Variants in GMDS observed in about 807,000 individuals in gnomAD.
GMDS encodes the protein GDP-mannose 4,6 dehydratase.
GMDS carries 20 observed loss-of-function variants against 49.9 expected under a neutral mutation model. That is an observed-to-expected ratio of 0.40 (90% CI 0.28 to 0.58). The LOEUF is 0.58. Among genes scored for constraint, GMDS ranks in the 20% least tolerant of loss-of-function variants. The pLI, the probability that GMDS is intolerant of heterozygous loss-of-function variation, is 0.42. For synonymous variants in GMDS, 177 were observed against 178.6 expected (o/e 0.99, Z 0.07); for missense variants, 362 against 481.4 (o/e 0.75, Z 2.32).
intron 9 of GMDS, among the ~76,000 whole-genome samples, chr6:1,703,986 G>A (rs1051312436): frequency 6.6e-6 from 1 of 152,144 alleles, no homozygotes; most frequent in Admixed American, 6.5e-5. Flanking sequence ...GTTTCTGAAA[G>A]TCTGTGCACC....
At chr6:1,788,170 A>G (rs930263025) in intron 7 of GMDS, among the ~76,000 whole-genome samples, 3 of 152,212 alleles carry the variant, frequency 2.0e-5, no homozygotes, top group African/African-American at 7.2e-5. Flanking sequence ...AGGGAGACAG[A>G]GGCAAAGACT....
At chr6:2,088,558 T>G (rs1442885983) in intron 4 of GMDS, among the ~76,000 whole-genome samples, 1 of 152,174 alleles carries the variant, frequency 6.6e-6, no homozygotes, top group Non-Finnish European at 1.5e-5. Context: ...AGTTTCCTGA[T>G]CTCTCTTTTT....
intron 7 of GMDS, among the ~76,000 whole-genome samples, chr6:1,921,158 C>T (rs1761697022): frequency 6.6e-6 from 1 of 152,192 alleles, no homozygotes; most frequent in Non-Finnish European, 1.5e-5. Flanking sequence ...TATGAACATG[C>T]AACTTTATTC....
intron 9 of GMDS, among the ~76,000 whole-genome samples, chr6:1,688,651 T>C (rs943395268): frequency 2.0e-5 from 3 of 152,256 alleles, no homozygotes; most frequent in Admixed American, 6.5e-5. Flanking sequence ...GCCTGGGGAC[T>C]TAATACTCCC....
chr6:2,131,343 A>G (rs1308593270), intron 1 of GMDS, among the ~76,000 whole-genome samples: 1 of 152,210 alleles, frequency 6.6e-6, no homozygotes, highest in Non-Finnish European at 1.5e-5. Flanking sequence ...AGGTATAGAA[A>G]GATTAATTTT....
chr6:1,898,301 C>T (rs1760322571), intron 7 of GMDS, among the ~76,000 whole-genome samples: 1 of 152,202 alleles, frequency 6.6e-6, no homozygotes, highest in South Asian at 2.1e-4. Context: ...AAATCACCTT[C>T]TAAATAAAAT....
At chr6:1,683,172 G>A (rs1764845276) in intron 9 of GMDS, among the ~76,000 whole-genome samples, 1 of 152,192 alleles carries the variant, frequency 6.6e-6, no homozygotes, top group South Asian at 2.1e-4. Flanking sequence ...TGCCCAGGCT[G>A]GAGTGCAGTG....
chr6:2,004,315 C>A (rs893739752), intron 4 of GMDS, among the ~76,000 whole-genome samples: 2 of 152,162 alleles, frequency 1.3e-5, no homozygotes, highest in South Asian at 4.1e-4. Context: ...TTGTGGAGAT[C>A]ATGACCTATG....
At chr6:2,202,322 A>G (rs1447819740) in intron 1 of GMDS, among the ~76,000 whole-genome samples, 2 of 151,532 alleles carry the variant, frequency 1.3e-5, no homozygotes, top group East Asian at 3.9e-4. Context: ...AAGGATGAAG[A>G]CAGAACACCA....
chr6:2,164,426 A>C (rs1418382028), intron 1 of GMDS, among the ~76,000 whole-genome samples: 2 of 152,186 alleles, frequency 1.3e-5, no homozygotes, highest in African/African-American at 4.8e-5. Context: ...GAGTAGACTC[A>C]GCATTATCTT....
At chr6:2,233,017 T>C (rs950388891) in intron 1 of GMDS, among the ~76,000 whole-genome samples, 34 of 152,182 alleles carry the variant, frequency 2.2e-4, no homozygotes, top group Non-Finnish European at 1.5e-5. Context: ...GAGTGACTGA[T>C]GAATGGGTAT....
Position 2,122,429 on chromosome 6 carries a change from G to A in GMDS, c.147+2258C>T, listed in dbSNP as rs149119457. Among the ~76,000 whole-genome samples, 45 of 152,052 alleles carry A rather than the reference G, an allele frequency of 3.0e-4. 1 individual carries two copies. In the East Asian group the frequency reaches 7.2e-3, roughly 24 times the overall value. ...GACCACCACCACTGCCCCCCACCCC[G>A]AGTTCACACGTAATAAAATACGTCC... On this transcript the variant is annotated intron_variant, in intron 2 of 10. Transcript: ENST00000380815.
chr6:2,072,324 C>A (rs546669765), intron 4 of GMDS, among the ~76,000 whole-genome samples: 12 of 152,184 alleles, frequency 7.9e-5, no homozygotes, highest in African/African-American at 2.9e-4. Context: ...AAGGTTCCAA[C>A]AGTTACTCCT....
intron 2 of GMDS, among the ~76,000 whole-genome samples, chr6:2,118,223 A>C (rs1321350041): frequency 6.6e-6 from 1 of 152,186 alleles, no homozygotes; most frequent in Admixed American, 6.5e-5. Context: ...TAAAACAGGA[A>C]TGTAATGCAT....
chr6:1,914,733 T>C (rs1233040914), intron 7 of GMDS, among the ~76,000 whole-genome samples: 1 of 152,176 alleles, frequency 6.6e-6, no homozygotes, highest in Non-Finnish European at 1.5e-5. Context: ...GGGCTTTGGA[T>C]GGCAAATTCT....
chr6:2,000,029 CTATA>C (rs1387130250), intron 4 of GMDS, among the ~76,000 whole-genome samples: 149 of 8,054 alleles, frequency 0.019, 19 homozygotes, highest in African/African-American at 0.036. Context: ...ATATATATAT[CTATA>C]TCTTTTTTTT....
At chr6:2,169,938 T>G (rs1442750582) in intron 1 of GMDS, among the ~76,000 whole-genome samples, 3 of 152,166 alleles carry the variant, frequency 2.0e-5, no homozygotes, top group Non-Finnish European at 4.4e-5. Flanking sequence ...GCGCGGTGGC[T>G]CACGCCTGTA....
intron 4 of GMDS, among the ~76,000 whole-genome samples, chr6:2,099,913 A>G (rs1406481236): frequency 1.3e-5 from 2 of 152,078 alleles, no homozygotes; most frequent in Non-Finnish European, 2.9e-5. Flanking sequence ...TAGACAGGAC[A>G]TGTAATTTAT....
intron 10 of GMDS, 88 bp downstream of exon 10, chr6:1,624,384 C>A (rs1762779820): frequency 3.0e-6 from 4 of 1,329,702 alleles, no homozygotes; most frequent in Non-Finnish European, 3.2e-6. Flanking sequence ...TTGGGCATCG[C>A]AGGCGCCTCA....
Sources: gnomAD v4.1 joint callset for allele counts (sites outside exome capture counted in the v4.1 genomes callset) on GRCh38, gnomAD v4.1.1 for gene constraint, MANE v1.5 for transcripts, NCBI Gene and HGNC (gene_info 2026-07-23, HGNC 2026-07-21) for gene names.